COL5A2: variants seen among roughly 807,000 people sequenced by gnomAD.
The protein encoded by COL5A2 is collagen type V alpha 2 chain, also known as collagen alpha-2(V) chain.
In COL5A2, 23 loss-of-function variants were observed where a neutral mutation model predicts 208.2. That is an observed-to-expected ratio of 0.11 (90% confidence interval 0.08 to 0.16). COL5A2 has a LOEUF of 0.16. COL5A2 is among the 10% of genes least tolerant of loss of function. The probability of loss-of-function intolerance (pLI) is 1.00; values close to 1 mark genes in which losing one functional copy is unlikely to be tolerated. For missense variants in COL5A2, 1,590 were observed against 1,956.4 expected, an observed-to-expected ratio of 0.81 and a Z score of 3.53; for synonymous variants, 625 against 628.5, an observed-to-expected ratio of 0.99 and a Z score of 0.08.
chr2:189,311,302 T>A, the COL5A2 span: 1 of 1,272,414 alleles, frequency 7.9e-7, no homozygotes, highest in Non-Finnish European at 1.1e-6. Context: ...CAGACACCAC[T>A]TGGCCATCCA....
At chr2:189,321,641 T>C in the COL5A2 span, among the ~76,000 whole-genome samples, 1 of 152,140 alleles carries the variant, frequency 6.6e-6, no homozygotes, top group African/African-American at 2.4e-5. Flanking sequence ...ATGCACCCAA[T>C]ACAGGAGCAC....
intron 47 of COL5A2, among the ~76,000 whole-genome samples, 165 bp downstream of exon 47, chr2:189,045,014 C>T (rs542376471): frequency 6.3e-4 from 95 of 151,858 alleles, no homozygotes; most frequent in African/African-American, 2.2e-3. Flanking sequence ...AAAATAAACT[C>T]GTATTACTTT....
chr2:189,351,951 C>T, the COL5A2 span, among the ~76,000 whole-genome samples: 2 of 151,958 alleles, frequency 1.3e-5, no homozygotes, highest in African/African-American at 4.8e-5. Context: ...AATGCCATCC[C>T]TCCCCCAGCT....
chr2:189,147,170 T>A (rs1688055683), intron 1 of COL5A2, among the ~76,000 whole-genome samples: 1 of 152,162 alleles, frequency 6.6e-6, no homozygotes, highest in African/African-American at 2.4e-5. Flanking sequence ...CATATTAAAT[T>A]ATGTGTGTCC....
intron 18 of COL5A2, 112 bp downstream of exon 18, chr2:189,071,928 C>T (rs1035763227): frequency 2.8e-6 from 2 of 713,120 alleles, no homozygotes; most frequent in African/African-American, 1.8e-5. Flanking sequence ...TAGGCTCTTT[C>T]CTTAGTTAAA....
At position 189,049,508 on chromosome 2, in the gene COL5A2, T is replaced by A. The variant is rs543876141; in HGVS notation, c.3040-54A>T. 12 of 1,427,262 alleles carry A rather than the reference T, an allele frequency of 8.4e-6. No individual in the cohort carries two copies. The Admixed American group carries it at 2.2e-4, about 26-fold the overall frequency. 88.4% of individuals were successfully genotyped at this position (1,427,262 alleles called of 1,614,324 possible). A position where few individuals can be genotyped will look rare whatever the true frequency, so the allele number is the denominator to read the frequency against. On this transcript the variant is annotated intron_variant, in intron 43 of 53. Coordinates refer to ENST00000374866, the MANE Select transcript of COL5A2 (RefSeq NM_000393.5). ...TTGTGAAGAAATTGAAGAACGCTAGTTCCCATAAAGGCTAAGTTTTCAAAA... is the reference window on the plus strand; with the variant it reads ...TTGTGAAGAAATTGAAGAACGCTAGATCCCATAAAGGCTAAGTTTTCAAAA...
upstream of COL5A2, among the ~76,000 whole-genome samples, chr2:189,228,035 A>C (rs931499963): frequency 6.6e-6 from 1 of 152,010 alleles, no homozygotes; most frequent in South Asian, 2.1e-4. Context: ...GAAAACAAAA[A>C]TTCACTAAAC....
chr2:189,423,037 A>AG, the COL5A2 span, among the ~76,000 whole-genome samples: 391 of 151,584 alleles, frequency 2.6e-3, no homozygotes, highest in African/African-American at 8.9e-3. Context: ...AAAAAAAAAA[A>AG]AAAGAAAGAA....
intron 1 of COL5A2, among the ~76,000 whole-genome samples, chr2:189,205,998 T>C (rs1689138859): frequency 6.6e-6 from 1 of 152,206 alleles, no homozygotes; most frequent in Non-Finnish European, 1.5e-5. Context: ...GCTGTTACCA[T>C]TTCTTAAGTC....
the COL5A2 span, among the ~76,000 whole-genome samples, chr2:189,292,468 G>GAAGACATTTA: frequency 9.2e-5 from 14 of 152,230 alleles, no homozygotes; most frequent in African/African-American, 3.4e-4. Flanking sequence ...CTTCTCAAAA[G>GAAGACATTTA]AAGACATTTA....
the COL5A2 span, among the ~76,000 whole-genome samples, chr2:189,428,883 A>G: frequency 6.6e-6 from 1 of 152,212 alleles, no homozygotes; most frequent in East Asian, 1.9e-4. Context: ...GATCTCACTC[A>G]TAATGAGGCA....
At chr2:189,417,401 T>C in the COL5A2 span, among the ~76,000 whole-genome samples, 173 of 151,340 alleles carry the variant, frequency 1.1e-3, 3 homozygotes, top group Admixed American at 0.011. Context: ...GACTGTGACA[T>C]GTTTTGATTT....
chr2:189,397,331 G>T, the COL5A2 span, among the ~76,000 whole-genome samples: 1 of 152,152 alleles, frequency 6.6e-6, no homozygotes, highest in South Asian at 2.1e-4. Flanking sequence ...GGAGCTTGTG[G>T]TTTAATGAAG....
At chr2:189,121,902 AC>A (rs1185224677) in intron 1 of COL5A2, among the ~76,000 whole-genome samples, 2 of 152,170 alleles carry the variant, frequency 1.3e-5, no homozygotes, top group African/African-American at 4.8e-5. Context: ...TTTAGAAAAC[AC>A]TGTGAAGTAA....
Position 189,120,362 on chromosome 2 carries a change from T to C in COL5A2, c.98-9913A>G, listed in dbSNP as rs535214109. 1.0e-3 allele frequency among the ~76,000 whole-genome samples: 155 copies of C among 152,292 alleles called. 1 individual carries two copies. The highest frequency in any genetic ancestry group is 2.0e-3 in the Admixed American group (31 of 15,306). On this transcript the variant is annotated intron_variant, in intron 1 of 53. Transcript: ENST00000374866. ...TAACCTATATGTATCCTGGGGCCTT[T>C]TGAATTATTGGTCCTTATCTTGGAA... is the stretch of plus-strand genomic sequence containing the variant.
chr2:189,362,980 C>A, the COL5A2 span, among the ~76,000 whole-genome samples: 1 of 151,728 alleles, frequency 6.6e-6, no homozygotes, highest in Non-Finnish European at 1.5e-5. Context: ...AGAAGATATG[C>A]ATAAGTTCCT....
the COL5A2 span, among the ~76,000 whole-genome samples, chr2:189,348,425 G>A: frequency 6.6e-6 from 1 of 152,054 alleles, no homozygotes; most frequent in African/African-American, 2.4e-5. Flanking sequence ...AGATGTTTCA[G>A]CTGATGGAGA....
chr2:189,287,627 G>A, the COL5A2 span, among the ~76,000 whole-genome samples: 1 of 152,134 alleles, frequency 6.6e-6, no homozygotes. Flanking sequence ...ACTAAAATTA[G>A]TAGTAGTATA....
the COL5A2 span, among the ~76,000 whole-genome samples, chr2:189,407,895 A>C: frequency 1.3e-5 from 2 of 152,202 alleles, no homozygotes; most frequent in African/African-American, 4.8e-5. Context: ...TGGGAAAATA[A>C]AAATATTAAG....
Sources: allele counts gnomAD v4.1 joint callset (sites outside exome capture counted in the v4.1 genomes callset), GRCh38; gene constraint gnomAD v4.1.1; transcripts MANE v1.5; gene names NCBI Gene and HGNC (gene_info 2026-07-23, HGNC 2026-07-21).